Variants in NKAIN3 observed in about 807,000 individuals in gnomAD.
The protein encoded by NKAIN3 is sodium/potassium transporting ATPase interacting 3.
NKAIN3 carries 25 observed loss-of-function variants against 30.2 expected under a neutral mutation model. The observed-to-expected ratio is 0.83, with a 90% CI of 0.60 to 1.16. The LOEUF is 1.16. Ranked by LOEUF, NKAIN3 falls within the 50% of genes most tolerant of loss-of-function variation. NKAIN3 has a pLI of 0.00. For synonymous variants in NKAIN3, 91 were observed against 89.6 expected (o/e 1.02, Z -0.09); for missense variants, 225 against 254.1 (o/e 0.89, Z 0.78).
intron 1 of NKAIN3, among the ~76,000 whole-genome samples, chr8:62,477,179 G>A (rs534989648): frequency 6.6e-6 from 1 of 152,312 alleles, no homozygotes; most frequent in South Asian, 2.1e-4. Flanking sequence ...ATGGAGCTGA[G>A]CCAGGTGGGA....
At chr8:62,782,576 G>T (rs1420672026) in intron 4 of NKAIN3, among the ~76,000 whole-genome samples, 3 of 151,602 alleles carry the variant, frequency 2.0e-5, no homozygotes, top group Non-Finnish European at 4.4e-5. Context: ...TACATAATGG[G>T]AATACTATCT....
At chr8:62,334,536 A>G (rs73256775) in intron 1 of NKAIN3, among the ~76,000 whole-genome samples, 7,637 of 152,234 alleles carry the variant, frequency 0.05, 263 homozygotes, top group South Asian at 0.13. Flanking sequence ...CCAATTCAAC[A>G]AAGACCATAC....
chr8:62,249,335 G>A (rs1375913970), intron 1 of NKAIN3, among the ~76,000 whole-genome samples: 10 of 152,088 alleles, frequency 6.6e-5, no homozygotes, highest in African/African-American at 2.4e-4. Flanking sequence ...CCTGCAGGAG[G>A]GCGCGGTCTC....
chr8:62,921,387 C>T (rs9693688), intron 5 of NKAIN3, among the ~76,000 whole-genome samples: 103,331 of 152,016 alleles, frequency 0.68, 36,038 homozygotes, highest in East Asian at 0.9. Context: ...TGCCAGCCAG[C>T]CTTAAAAATT....
intron 4 of NKAIN3, among the ~76,000 whole-genome samples, chr8:62,763,244 A>AAC (rs1816727044): frequency 7.9e-6 from 1 of 126,610 alleles, no homozygotes; most frequent in African/African-American, 3.3e-5. Flanking sequence ...AAAAAAAAAA[A>AAC]AAAAAAAAAA....
In NKAIN3 at chr8:62,761,915, C is replaced by CT. The variant is rs200929740; in HGVS notation, c.471+14789dup. Among the ~76,000 whole-genome samples, 51 of 152,254 alleles carry CT rather than the reference C, an allele frequency of 3.3e-4. No homozygotes were observed. In the East Asian group the frequency reaches 9.4e-3, roughly 28 times the overall value. On this transcript the variant is annotated intron_variant, in intron 4 of 6. Coordinates refer to ENST00000623646, the MANE Select transcript of NKAIN3 (RefSeq NM_001304533.3). ...GTTGTGGGAGAGAAACAATTTGGCCCTTTACTTCCTCTAGATATCTACTCC... is the reference window on the plus strand; with the variant it reads ...GTTGTGGGAGAGAAACAATTTGGCCCTTTTACTTCCTCTAGATATCTACTCC...
chr8:62,976,990 T>C lies in NKAIN3; in HGVS notation c.*11583T>C, dbSNP rs1161586814. ...ATTCTGGGTTGAAAATTCTTTTCTT[T>C]AAGAATGTTGAATATTAGCCCCCAA... is the stretch of plus-strand genomic sequence containing the variant. On this transcript the variant is annotated 3_prime_UTR_variant, in exon 7 of 7. Coordinates refer to ENST00000623646, the MANE Select transcript of NKAIN3 (RefSeq NM_001304533.3). Among the ~76,000 whole-genome samples the C allele has an allele frequency of 6.6e-6, 1 of 152,236 alleles. No homozygotes were observed. The highest frequency in any genetic ancestry group is 1.9e-4 in the East Asian group (1 of 5,190).
intron 3 of NKAIN3, among the ~76,000 whole-genome samples, chr8:62,716,869 G>A (rs1215008370): frequency 6.6e-6 from 1 of 152,138 alleles, no homozygotes; most frequent in Middle Eastern, 3.2e-3. Flanking sequence ...GATGAGGTGG[G>A]AGGATCACTT....
At chr8:62,328,489 TAA>T (rs1423482239) in intron 1 of NKAIN3, among the ~76,000 whole-genome samples, 2 of 152,046 alleles carry the variant, frequency 1.3e-5, no homozygotes, top group Admixed American at 6.6e-5. Context: ...TTTCTAGTTG[TAA>T]AGAGATGATG....
At chr8:62,571,668 A>G (rs1809944551) in intron 1 of NKAIN3, among the ~76,000 whole-genome samples, 2 of 152,104 alleles carry the variant, frequency 1.3e-5, no homozygotes, top group Non-Finnish European at 1.5e-5. Flanking sequence ...AGGCATTTCC[A>G]TAAATCTGAA....
At chr8:62,855,507 G>A in intron 4 of NKAIN3, 1 of 1,405,156 alleles carries the variant, frequency 7.1e-7, no homozygotes, top group African/African-American at 1.4e-5. Flanking sequence ...TTCCCTTCAG[G>A]ATTGTAATCT....
chr8:62,767,136 G>A (rs545232918), intron 4 of NKAIN3, among the ~76,000 whole-genome samples: 27 of 151,974 alleles, frequency 1.8e-4, no homozygotes, highest in Non-Finnish European at 8.8e-5. Flanking sequence ...CTTTCCCTCC[G>A]CATGGTGAAG....
intron 3 of NKAIN3, among the ~76,000 whole-genome samples, chr8:62,614,927 G>C (rs542829704): frequency 6.6e-6 from 1 of 152,162 alleles, no homozygotes. Context: ...GGCAGGTCCA[G>C]AAATGCTATT....
At chr8:62,923,143 A>G (rs1822331293) in intron 5 of NKAIN3, among the ~76,000 whole-genome samples, 1 of 152,028 alleles carries the variant, frequency 6.6e-6, no homozygotes, top group Admixed American at 6.5e-5. Context: ...CCAAAAATAC[A>G]AAAACATAGC....
chr8:62,953,900 A>G lies in NKAIN3; in HGVS notation c.533-2A>G. The G allele has an allele frequency of 1.6e-5, 15 of 956,720 alleles. No homozygotes were observed. Among genetic ancestry groups the G allele is most frequent in the Non-Finnish European group, 1.9e-5 (15 of 803,458 alleles). 59.3% of individuals were successfully genotyped at this position (956,720 alleles called of 1,614,324 possible). A position where few individuals can be genotyped will look rare whatever the true frequency, so the allele number is the denominator to read the frequency against. On this transcript the variant is annotated splice_acceptor_variant, in intron 5 of 6. Coordinates refer to ENST00000623646, the MANE Select transcript of NKAIN3 (RefSeq NM_001304533.3). LOFTEE classifies it high-confidence loss of function. ...TTCATATGGCCTATGTTATATTTTC[A>G]GTTGATTTCATAGGTGGACTTGATA...
chr8:62,513,703 A>G (rs1488765315), intron 1 of NKAIN3, among the ~76,000 whole-genome samples: 3 of 151,782 alleles, frequency 2.0e-5, no homozygotes, highest in Non-Finnish European at 4.4e-5. Flanking sequence ...TCCCATCTCT[A>G]CAAAAAAAGA....
intron 4 of NKAIN3, chr8:62,856,753 T>C: frequency 1.5e-6 from 1 of 678,940 alleles, no homozygotes; most frequent in Non-Finnish European, 2.7e-6. Flanking sequence ...AGAATTTATT[T>C]TGCACCTGGC....
At chr8:62,815,274 C>T (rs10957242) in intron 4 of NKAIN3, among the ~76,000 whole-genome samples, 12,277 of 151,912 alleles carry the variant, frequency 0.081, 520 homozygotes, top group Middle Eastern at 0.088. Flanking sequence ...GATTCACAGC[C>T]GAATTCTACC....
chr8:62,444,140 T>A (rs1274205880), intron 1 of NKAIN3, among the ~76,000 whole-genome samples: 2 of 152,020 alleles, frequency 1.3e-5, no homozygotes, highest in African/African-American at 4.8e-5. Flanking sequence ...ATTTTTGGGA[T>A]ACAAGTGATA....
Sources: gnomAD v4.1 joint callset for allele counts (sites outside exome capture counted in the v4.1 genomes callset) on GRCh38, gnomAD v4.1.1 for gene constraint, MANE v1.5 for transcripts, NCBI Gene and HGNC (gene_info 2026-07-23, HGNC 2026-07-21) for gene names.